The following IDE variants were observed in gnomAD, a reference collection of about 807,000 sequenced individuals.
IDE encodes insulin degrading enzyme.
A neutral mutation model predicts 133.2 loss-of-function variants in IDE; 58 were observed. The ratio of observed to expected loss-of-function variants is 0.44; its 90% CI spans 0.35 to 0.54. IDE has a LOEUF of 0.54. Among genes scored for constraint, IDE ranks in the 20% least tolerant of loss-of-function variants. IDE has a pLI of 0.00. For synonymous variants in IDE, 396 were observed against 421.3 expected, an observed-to-expected ratio of 0.94 and a Z score of 0.73; for missense variants, 981 against 1,234.0, an observed-to-expected ratio of 0.79 and a Z score of 3.07.
Position 92,573,916 on chromosome 10 carries a change from G to T in IDE, c.98+6C>A. The T allele has an allele frequency of 6.9e-7, 1 of 1,459,570 alleles. No individual in the cohort carries two copies. The highest frequency in any genetic ancestry group is 9.0e-7 in the Non-Finnish European group (1 of 1,111,528). 90.4% of individuals were successfully genotyped at this position (1,459,570 alleles called of 1,614,324 possible). A position where few individuals can be genotyped will look rare whatever the true frequency, so the allele number is the denominator to read the frequency against. On this transcript the variant is annotated splice_donor_region_variant and intron_variant, in intron 1 of 24. Transcript: ENST00000265986. ...CCCGAGGGCCCGGGCGCTCCATTCCGCTTACCCACACAGGCGCTCCGGAGG... is the reference window on the plus strand; with the variant it reads ...CCCGAGGGCCCGGGCGCTCCATTCCTCTTACCCACACAGGCGCTCCGGAGG...
chr10:92,507,108 CA>C (rs11296200), intron 9 of IDE, among the ~76,000 whole-genome samples: 56,610 of 147,382 alleles, frequency 0.38, 11,276 homozygotes, highest in East Asian at 0.68. Flanking sequence ...TTGTTTTACG[CA>C]AAAAAAAAAG....
intron 1 of IDE, among the ~76,000 whole-genome samples, chr10:92,561,375 A>C (rs775394061): frequency 6.6e-6 from 1 of 152,216 alleles, no homozygotes; most frequent in Non-Finnish European, 1.5e-5. Flanking sequence ...AACCTCCTAT[A>C]GTTGCCATAA....
In IDE at chr10:92,509,962, C is replaced by T. The variant is rs1848497814; in HGVS notation, c.897+88G>A. ...AAACACAACATAAATAATGAAACCT[C>T]CAAAAATTTTCACCTGTTCTATGGT... On this transcript the variant is annotated intron_variant, in intron 6 of 24. Transcript: ENST00000265986. 4 of 586,376 alleles carry T rather than the reference C, an allele frequency of 6.8e-6. No homozygotes were observed. In the South Asian group the frequency reaches 7.4e-5, roughly 11 times the overall value. The allele number at this position is 586,376 out of a possible 1,614,324, so 36.3% of individuals were successfully genotyped here. A position where few individuals can be genotyped will look rare whatever the true frequency, so the allele number is the denominator to read the frequency against.
Position 92,460,697 on chromosome 10 carries a change from A to AG in IDE, c.2823+493_2823+494insC, listed in dbSNP as rs560921052. Among the ~76,000 whole-genome samples the AG allele has an allele frequency of 1.8e-4, 28 of 152,342 alleles. No homozygotes were observed. In the South Asian group the frequency reaches 5.8e-3, roughly 32 times the overall value. On this transcript the variant is annotated intron_variant, in intron 22 of 24. Coordinates refer to ENST00000265986, the MANE Select transcript of IDE (RefSeq NM_004969.4). ...GCAAACTTGGTTTAGAGGGAGAGGAAAACAGTACTTGGTTCAATAAAAACT... is the reference window on the plus strand; with the variant it reads ...GCAAACTTGGTTTAGAGGGAGAGGAAGAACAGTACTTGGTTCAATAAAAACT...
At chr10:92,565,421 A>G (rs1401148819) in intron 1 of IDE, among the ~76,000 whole-genome samples, 3 of 151,488 alleles carry the variant, frequency 2.0e-5, no homozygotes, top group East Asian at 1.9e-4. Context: ...AAAAAAAAAA[A>G]AAAAGAAAAG....
At chr10:92,552,877 A>AAAAAAAAAAAAAAAAAAAAC (rs1842850959) in intron 1 of IDE, among the ~76,000 whole-genome samples, 1 of 147,682 alleles carries the variant, frequency 6.8e-6, no homozygotes, top group Non-Finnish European at 1.5e-5. Flanking sequence ...AAAAAAAAAA[A>AAAAAAAAAAAAAAAAAAAAC]ATTATTTTCC....
At chr10:92,501,068 A>G (rs1177186864) in intron 11 of IDE, among the ~76,000 whole-genome samples, 2 of 150,980 alleles carry the variant, frequency 1.3e-5, no homozygotes, top group Non-Finnish European at 3.0e-5. Flanking sequence ...AAAGAAAAAA[A>G]GAAAAAAAAG....
intron 17 of IDE, among the ~76,000 whole-genome samples, chr10:92,473,995 C>A (rs1846120420): frequency 6.6e-6 from 1 of 151,864 alleles, no homozygotes. Flanking sequence ...AAAAAAAACA[C>A]CAAATAAAAA....
chr10:92,569,776 T>C (rs1843704629), intron 1 of IDE, among the ~76,000 whole-genome samples: 1 of 152,012 alleles, frequency 6.6e-6, no homozygotes, highest in South Asian at 2.1e-4. Flanking sequence ...TCAGGCAGAG[T>C]GTGATGCCTT....
intron 11 of IDE, among the ~76,000 whole-genome samples, chr10:92,500,095 C>T (rs921317602): frequency 2.6e-5 from 4 of 152,082 alleles, no homozygotes; most frequent in South Asian, 2.1e-4. Context: ...GTCATGAGTT[C>T]GAGACCAGCC....
intron 1 of IDE, chr10:92,573,137 G>A: frequency 2.0e-6 from 2 of 985,418 alleles, no homozygotes; most frequent in South Asian, 4.7e-5. Flanking sequence ...AGTATTCAGC[G>A]TTCACTACAA....
chr10:92,573,698 G>A (rs1388331657), intron 1 of IDE, among the ~76,000 whole-genome samples: 1 of 152,252 alleles, frequency 6.6e-6, no homozygotes, highest in Non-Finnish European at 1.5e-5. Context: ...CCAGCCCAAG[G>A]GACGTCCCCG....
At chr10:92,502,248 C>T (rs1454058755) in intron 11 of IDE, among the ~76,000 whole-genome samples, 1 of 152,146 alleles carries the variant, frequency 6.6e-6, no homozygotes, top group East Asian at 1.9e-4. Context: ...TTAATAATAT[C>T]AAGTCTCCTA....
At chr10:92,531,496 T>C (rs1849922713) in intron 4 of IDE, among the ~76,000 whole-genome samples, 1 of 152,202 alleles carries the variant, frequency 6.6e-6, no homozygotes, top group African/African-American at 2.4e-5. Context: ...CCATATGGAA[T>C]GCTGGTTAAT....
chr10:92,524,448 T>A (rs1211718280), intron 4 of IDE, among the ~76,000 whole-genome samples: 5 of 10,496 alleles, frequency 4.8e-4, no homozygotes, highest in Middle Eastern at 8.8e-3. Flanking sequence ...TAATATATTT[T>A]ATATATTATA....
At chr10:92,487,128 C>G (rs572001832) in intron 13 of IDE, 68 bp downstream of exon 13, 16 of 1,466,962 alleles carry the variant, frequency 1.1e-5, no homozygotes, top group South Asian at 6.4e-5. Context: ...TGTAAGAAAT[C>G]ATTTACCCAG....
intron 4 of IDE, among the ~76,000 whole-genome samples, chr10:92,523,217 C>T (rs941613661): frequency 2.0e-5 from 3 of 151,556 alleles, no homozygotes; most frequent in Non-Finnish European, 4.4e-5. Flanking sequence ...CCTGTCTCTA[C>T]TAAAAATACA....
intron 11 of IDE, among the ~76,000 whole-genome samples, chr10:92,498,156 G>A (rs1847817278): frequency 6.6e-6 from 1 of 152,164 alleles, no homozygotes; most frequent in African/African-American, 2.4e-5. Context: ...CAGTATTCAT[G>A]ACATTATATA....
chr10:92,505,140 T>C (rs544345711), intron 10 of IDE, among the ~76,000 whole-genome samples: 87 of 152,308 alleles, frequency 5.7e-4, no homozygotes, highest in African/African-American at 1.6e-3. Flanking sequence ...CATACTTCCA[T>C]TGTAGAGAGC....
Sources: gnomAD v4.1 joint callset for allele counts (sites outside exome capture counted in the v4.1 genomes callset) on GRCh38, gnomAD v4.1.1 for gene constraint, MANE v1.5 for transcripts, NCBI Gene and HGNC (gene_info 2026-07-23, HGNC 2026-07-21) for gene names.